The following SLC35F3 variants were observed in gnomAD, a reference collection of about 807,000 sequenced individuals.
SLC35F3 encodes solute carrier family 35 member F3.
SLC35F3 carries 25 observed loss-of-function variants against 49.9 expected under a neutral mutation model. The observed-to-expected ratio is 0.50, with a 90% confidence interval of 0.37 to 0.70. SLC35F3 has a LOEUF of 0.70. Ranked by LOEUF, SLC35F3 falls within the 30% of genes least tolerant of loss-of-function variation. SLC35F3 has a pLI of 0.00. For synonymous variants in SLC35F3, 275 were observed against 265.4 expected, an observed-to-expected ratio of 1.04 and a Z score of -0.35; for missense variants, 525 against 639.8, an observed-to-expected ratio of 0.82 and a Z score of 1.94.
intron 2 of SLC35F3, among the ~76,000 whole-genome samples, chr1:233,930,669 C>T (rs1036668387): frequency 1.3e-5 from 2 of 152,150 alleles, no homozygotes; most frequent in Admixed American, 1.3e-4. Flanking sequence ...GGGAGTCTTA[C>T]TGATAGCATA....
At chr1:234,130,055 C>T (rs1003450194) in intron 2 of SLC35F3, among the ~76,000 whole-genome samples, 3 of 152,034 alleles carry the variant, frequency 2.0e-5, no homozygotes, top group Non-Finnish European at 4.4e-5. Flanking sequence ...TATAAAAACT[C>T]GAAGACACCA....
chr1:234,105,707 G>A (rs960486183), intron 2 of SLC35F3, among the ~76,000 whole-genome samples: 17 of 152,222 alleles, frequency 1.1e-4, no homozygotes, highest in African/African-American at 4.1e-4. Context: ...TATAGGAAGA[G>A]AAGAGAATAT....
intron 2 of SLC35F3, among the ~76,000 whole-genome samples, chr1:234,020,446 T>G (rs1026341277): frequency 6.6e-5 from 10 of 152,198 alleles, no homozygotes; most frequent in African/African-American, 2.4e-4. Context: ...ATTAAAAATC[T>G]AATATGCAGG....
At chr1:234,119,392 C>T (rs1035449704) in intron 2 of SLC35F3, among the ~76,000 whole-genome samples, 1 of 151,516 alleles carries the variant, frequency 6.6e-6, no homozygotes, top group Admixed American at 6.6e-5. Flanking sequence ...CCAAATAAAC[C>T]ATGAAAAATC....
intron 2 of SLC35F3, among the ~76,000 whole-genome samples, chr1:234,064,075 T>C (rs1046525172): frequency 6.6e-6 from 1 of 152,222 alleles, no homozygotes; most frequent in African/African-American, 2.4e-5. Context: ...CCTGGTGTCA[T>C]GCTGGAAGTA....
chr1:234,232,519 C>CAA (rs536692686), intron 3 of SLC35F3, among the ~76,000 whole-genome samples: 7,047 of 72,186 alleles, frequency 0.098, 615 homozygotes, highest in Non-Finnish European at 0.13. Context: ...CAGGCCTAGT[C>CAA]AAAAAAAAAA....
rs540964338 is a variant in SLC35F3 at position 234,046,949 on chromosome 1, T to C, written c.283+141191T>C. ...AAGTGCCACACAACCTTAGTTACTC[T>C]AGCTGTACTATAAGTCTCACTTCCT... On this transcript the variant is annotated intron_variant, in intron 2 of 7. Transcript: ENST00000366618. The surrounding 1 kb of genome is among the most constrained non-coding windows in gnomAD (Gnocchi z 4.4). 6.6e-6 allele frequency among the ~76,000 whole-genome samples: 1 copy of C among 152,352 alleles called. No individual in the cohort carries two copies. Among genetic ancestry groups the C allele is most frequent in the Non-Finnish European group, 1.5e-5 (1 of 68,034 alleles).
At chr1:234,056,863 T>C (rs975642974) in intron 2 of SLC35F3, among the ~76,000 whole-genome samples, 6 of 152,230 alleles carry the variant, frequency 3.9e-5, no homozygotes, top group Admixed American at 3.9e-4. Flanking sequence ...AGGGTCTAAC[T>C]CATCCTTTTT....
intron 2 of SLC35F3, among the ~76,000 whole-genome samples, chr1:233,976,822 G>A (rs977826932): frequency 6.6e-6 from 1 of 152,158 alleles, no homozygotes; most frequent in African/African-American, 2.4e-5. Context: ...TGTTCGTAAG[G>A]CTGGTCTCAA....
chr1:234,299,940 G>T (rs1405994729), intron 3 of SLC35F3, among the ~76,000 whole-genome samples: 1 of 151,776 alleles, frequency 6.6e-6, no homozygotes, highest in Non-Finnish European at 1.5e-5. Context: ...AGAGAGAAAA[G>T]AGCATGAACC....
chr1:234,231,091 A>G lies in SLC35F3; in HGVS notation c.284-326A>G, dbSNP rs1229123964. Among the ~76,000 whole-genome samples, 2 of 152,202 alleles carry G rather than the reference A, an allele frequency of 1.3e-5. No individual in the cohort carries two copies. Among genetic ancestry groups the G allele is most frequent in the African/African-American group, 4.8e-5 (2 of 41,454 alleles). ...CCCAAAGCACGCAGATCACCTGAGGAATGCAGGTTCTGATTTTGGAGTCTG... is the reference window on the plus strand; with the variant it reads ...CCCAAAGCACGCAGATCACCTGAGGGATGCAGGTTCTGATTTTGGAGTCTG... On this transcript the variant is annotated intron_variant, in intron 2 of 7. Coordinates refer to ENST00000366618, the MANE Select transcript of SLC35F3 (RefSeq NM_173508.4). The surrounding 1 kb of genome is among the most constrained non-coding windows in gnomAD (Gnocchi z 5.4).
At chr1:233,983,489 C>T (rs1663218036) in intron 2 of SLC35F3, among the ~76,000 whole-genome samples, 1 of 152,166 alleles carries the variant, frequency 6.6e-6, no homozygotes, top group African/African-American at 2.4e-5. Context: ...AGAAGCATAG[C>T]AAAAGGCAAG....
At chr1:233,999,421 C>T (rs543764923) in intron 2 of SLC35F3, among the ~76,000 whole-genome samples, 4 of 152,250 alleles carry the variant, frequency 2.6e-5, no homozygotes, top group African/African-American at 7.2e-5. Context: ...TTCTCTGCCG[C>T]TCCATATCTT....
intron 2 of SLC35F3, among the ~76,000 whole-genome samples, chr1:234,191,625 AC>A (rs1553313447): frequency 0.07 from 10,658 of 151,740 alleles, 1,199 homozygotes; most frequent in African/African-American, 0.24. Flanking sequence ...AATTGAAACA[AC>A]AACAAAAAAA....
intron 2 of SLC35F3, among the ~76,000 whole-genome samples, chr1:234,126,494 T>TGTGTGTGTGTGTG (rs1553307646): frequency 1.3e-5 from 2 of 152,140 alleles, no homozygotes; most frequent in Admixed American, 6.5e-5. Flanking sequence ...TGTGTGTGTA[T>TGTGTGTGTGTGTG]TTAGTTCTAC....
chr1:233,963,008 TGATG>T (rs1422932744), intron 2 of SLC35F3, among the ~76,000 whole-genome samples: 1 of 152,208 alleles, frequency 6.6e-6, no homozygotes, highest in Non-Finnish European at 1.5e-5. Context: ...CTTTCAACCA[TGATG>T]GGGATGTGTC....
At chr1:234,166,627 G>T (rs1666324913) in intron 2 of SLC35F3, among the ~76,000 whole-genome samples, 1 of 152,126 alleles carries the variant, frequency 6.6e-6, no homozygotes, top group Non-Finnish European at 1.5e-5. Flanking sequence ...GGACCAGGTG[G>T]CCCAAGGGCT....
At chr1:234,058,283 T>C (rs896106826) in intron 2 of SLC35F3, among the ~76,000 whole-genome samples, 11 of 150,824 alleles carry the variant, frequency 7.3e-5, no homozygotes, top group South Asian at 2.1e-4. Context: ...TAAGTCTCAG[T>C]CTCACTTAGT....
intron 2 of SLC35F3, among the ~76,000 whole-genome samples, chr1:233,948,340 G>T (rs755437313): frequency 6.6e-6 from 1 of 151,554 alleles, no homozygotes; most frequent in Non-Finnish European, 1.5e-5. Context: ...ATCAAAGTTT[G>T]TTCTTCCTCC....
Sources: allele counts gnomAD v4.1 joint callset (sites outside exome capture counted in the v4.1 genomes callset), GRCh38; gene constraint gnomAD v4.1.1; non-coding constraint Gnocchi (gnomAD v3.1); transcripts MANE v1.5; gene names NCBI Gene and HGNC (gene_info 2026-07-23, HGNC 2026-07-21).